Variants in VPS53 observed in about 807,000 individuals in gnomAD.
VPS53 encodes VPS53 subunit of GARP complex, also known as vacuolar protein sorting-associated protein 53 homolog.
A neutral mutation model predicts 107.0 loss-of-function variants in VPS53; 70 were observed. That is an observed-to-expected ratio of 0.65 (90% CI 0.54 to 0.80). The LOEUF is 0.80. VPS53 is among the 30% of genes least tolerant of loss of function. The pLI, the probability that VPS53 is intolerant of heterozygous loss-of-function variation, is 0.00. For synonymous variants in VPS53, 409 were observed against 393.3 expected, an observed-to-expected ratio of 1.04 and a Z score of -0.47; for missense variants, 917 against 1,049.4, an observed-to-expected ratio of 0.87 and a Z score of 1.74.
chr17:630,471 T>A (rs1281498173), intron 8 of VPS53, among the ~76,000 whole-genome samples: 1 of 152,146 alleles, frequency 6.6e-6, no homozygotes, highest in East Asian at 1.9e-4. Context: ...GGCTTTCCAA[T>A]ATCTACTCCC....
At chr17:684,467 CA>C (rs1972511533) in intron 4 of VPS53, among the ~76,000 whole-genome samples, 1 of 152,020 alleles carries the variant, frequency 6.6e-6, no homozygotes, top group Non-Finnish European at 1.5e-5. Context: ...TACCAAAAAC[CA>C]CAAAATATTT....
intron 18 of VPS53, among the ~76,000 whole-genome samples, chr17:534,653 C>G (rs1909879302): frequency 6.6e-6 from 1 of 152,222 alleles, no homozygotes; most frequent in African/African-American, 2.4e-5. Flanking sequence ...CATGGCAGCT[C>G]ATGCCTATAA....
chr17:630,181 C>A (rs1442246906), intron 8 of VPS53, among the ~76,000 whole-genome samples: 1 of 151,980 alleles, frequency 6.6e-6, no homozygotes, highest in Non-Finnish European at 1.5e-5. Context: ...GTAATCCCAG[C>A]TATTTGGGAG....
chr17:683,243 G>T (rs1009621747), intron 4 of VPS53, among the ~76,000 whole-genome samples: 6 of 152,110 alleles, frequency 3.9e-5, no homozygotes, highest in Non-Finnish European at 7.4e-5. Flanking sequence ...TAATGGCTGA[G>T]AATTTTTTTT....
chr17:713,201 CA>C (rs531213540), intron 1 of VPS53, among the ~76,000 whole-genome samples: 41 of 143,616 alleles, frequency 2.9e-4, no homozygotes, highest in African/African-American at 3.6e-4. Context: ...GACCCTATCT[CA>C]AAAAAAAAAA....
chr17:657,082 C>A, intron 5 of VPS53: 1 of 996,334 alleles, frequency 1.0e-6, no homozygotes, highest in East Asian at 2.4e-5. Flanking sequence ...AATCGGTCAT[C>A]TTGCCAGTCT....
chr17:606,125 A>G (rs1013014286), intron 11 of VPS53, among the ~76,000 whole-genome samples: 5 of 152,090 alleles, frequency 3.3e-5, no homozygotes, highest in Non-Finnish European at 7.4e-5. Context: ...AAAAGTGTCC[A>G]TCGGATTTGG....
intron 4 of VPS53, chr17:674,467 C>A (rs1406370899): frequency 2.0e-5 from 3 of 152,218 alleles, no homozygotes; most frequent in African/African-American, 7.2e-5. Flanking sequence ...GCCAAATGCC[C>A]TTCAGGCTGC....
intron 11 of VPS53, among the ~76,000 whole-genome samples, chr17:612,052 C>T (rs1240599425): frequency 6.6e-6 from 1 of 151,836 alleles, no homozygotes; most frequent in Non-Finnish European, 1.5e-5. Context: ...AGTGAGTTCA[C>T]ACAGTGAAAA....
intron 4 of VPS53, chr17:673,986 A>T (rs1329369477): frequency 6.6e-6 from 1 of 152,224 alleles, no homozygotes; most frequent in African/African-American, 2.4e-5. Flanking sequence ...TACATTGCAA[A>T]GTTCTGCCTA....
In VPS53 at chr17:516,254, T is replaced by A. The variant is rs1908303887; in HGVS notation, c.*2874A>T. The A allele has an allele frequency of 6.6e-6, 1 of 151,938 alleles. No individual in the cohort carries two copies. The allele number at this position is 151,938 out of a possible 1,614,324, so 9.4% of individuals were successfully genotyped here. On this transcript the variant is annotated 3_prime_UTR_variant, in exon 22 of 22. Coordinates refer to ENST00000437048, the MANE Select transcript of VPS53 (RefSeq NM_001128159.3). Reference sequence around the variant, plus strand: ...GGCAGGAGCCCTTCCATAAAGCAAATCTCTCTGTTGCAGTGGTTCTTAACA... The same window carrying A: ...GGCAGGAGCCCTTCCATAAAGCAAAACTCTCTGTTGCAGTGGTTCTTAACA...
intron 19 of VPS53, among the ~76,000 whole-genome samples, chr17:529,614 T>G (rs1178662565): frequency 6.6e-6 from 1 of 152,356 alleles, no homozygotes; most frequent in African/African-American, 2.4e-5. Context: ...TTCTTATCAA[T>G]GAACATGAGC....
intron 4 of VPS53, among the ~76,000 whole-genome samples, chr17:668,933 C>T (rs117670454): frequency 2.2e-4 from 34 of 152,298 alleles, no homozygotes; most frequent in Non-Finnish European, 4.1e-4. Flanking sequence ...CACAATCTTA[C>T]ATGTCACAGT....
chr17:705,191 C>T (rs1973355271), intron 2 of VPS53, among the ~76,000 whole-genome samples: 1 of 152,140 alleles, frequency 6.6e-6, no homozygotes, highest in Non-Finnish European at 1.5e-5. Flanking sequence ...CTACCTGCCA[C>T]TGAAACCTGC....
intron 12 of VPS53, among the ~76,000 whole-genome samples, chr17:589,036 A>C (rs1459164813): frequency 6.6e-6 from 1 of 152,004 alleles, no homozygotes; most frequent in African/African-American, 2.4e-5. Context: ...CTACAAACAG[A>C]TATCTTTTTA....
At chr17:703,665 T>G (rs1973293495) in intron 2 of VPS53, among the ~76,000 whole-genome samples, 1 of 152,210 alleles carries the variant, frequency 6.6e-6, no homozygotes, top group Non-Finnish European at 1.5e-5. Context: ...ATGGTAATTC[T>G]TGACAATTAC....
intron 2 of VPS53, among the ~76,000 whole-genome samples, chr17:709,333 C>T (rs1451318426): frequency 6.6e-6 from 1 of 152,180 alleles, no homozygotes. Context: ...CTCCATAAGA[C>T]CAAGACCAGA....
chr17:694,073 T>C (rs1972864421), intron 4 of VPS53, among the ~76,000 whole-genome samples: 6 of 151,858 alleles, frequency 4.0e-5, no homozygotes. Context: ...CAAGAGCTCC[T>C]TGGAAAAAAA....
At chr17:642,270 CACCAAGGACAACACTCATACTTGGCA>C in intron 7 of VPS53, among the ~76,000 whole-genome samples, 1 of 152,234 alleles carries the variant, frequency 6.6e-6, no homozygotes, top group African/African-American at 2.4e-5. Context: ...CTTCTGAGAT[CACCAAGGACAACACTCATACTTGGCA>C]ACCGAGGACA....
Sources: allele counts gnomAD v4.1 joint callset (sites outside exome capture counted in the v4.1 genomes callset), GRCh38; gene constraint gnomAD v4.1.1; transcripts MANE v1.5; gene names NCBI Gene and HGNC (gene_info 2026-07-23, HGNC 2026-07-21).